Variants in CACNA2D3 observed in about 807,000 individuals in gnomAD.
CACNA2D3 encodes voltage-dependent calcium channel subunit alpha-2/delta-3.
In CACNA2D3, 60 loss-of-function variants were observed where a neutral mutation model predicts 160.6. That is an observed-to-expected ratio of 0.37 (90% CI 0.30 to 0.46). The LOEUF is 0.46. Among genes scored for constraint, CACNA2D3 ranks in the 20% least tolerant of loss-of-function variants. CACNA2D3 has a pLI of 1.00. For synonymous variants in CACNA2D3, 558 were observed against 492.9 expected (o/e 1.13, Z -1.75); for missense variants, 1,205 against 1,365.0 (o/e 0.88, Z 1.85).
intron 10 of CACNA2D3, among the ~76,000 whole-genome samples, chr3:54,640,929 C>T (rs115819121): frequency 0.014 from 2,198 of 152,144 alleles, 46 homozygotes; most frequent in African/African-American, 0.049. Flanking sequence ...GGCTTATTTC[C>T]TAAAACACAG....
intron 5 of CACNA2D3, among the ~76,000 whole-genome samples, chr3:54,544,500 C>T (rs543969511): frequency 6.6e-6 from 1 of 152,050 alleles, no homozygotes; most frequent in East Asian, 1.9e-4. Flanking sequence ...AACTCTTGGG[C>T]TCAAGGGATC....
At chr3:54,336,607 T>TA (rs1450729513) in intron 3 of CACNA2D3, among the ~76,000 whole-genome samples, 6 of 152,204 alleles carry the variant, frequency 3.9e-5, no homozygotes, top group Admixed American at 3.3e-4. Flanking sequence ...AAGTGGAAGT[T>TA]ATATGTTATG....
chr3:54,980,993 A>G (rs1364698949), intron 29 of CACNA2D3, among the ~76,000 whole-genome samples: 8 of 152,212 alleles, frequency 5.3e-5, no homozygotes, highest in Non-Finnish European at 1.2e-4. Context: ...AAGCCAATGA[A>G]TCAAAGCTCT....
At chr3:54,321,880 C>T (rs1704006484) in intron 3 of CACNA2D3, among the ~76,000 whole-genome samples, 1 of 138,926 alleles carries the variant, frequency 7.2e-6, no homozygotes, top group Admixed American at 8.0e-5. Context: ...ACAGCTGCTC[C>T]AGCGACAGTG....
intron 16 of CACNA2D3, 33 bp downstream of exon 16, chr3:54,838,681 A>G: frequency 6.9e-7 from 1 of 1,453,488 alleles, no homozygotes; most frequent in Non-Finnish European, 9.7e-7. Flanking sequence ...AAATCAAAGC[A>G]ACAGAGATGC....
At chr3:54,437,513 G>GCTTT (rs1190937949) in intron 4 of CACNA2D3, among the ~76,000 whole-genome samples, 2 of 152,218 alleles carry the variant, frequency 1.3e-5, no homozygotes, top group Non-Finnish European at 2.9e-5. Flanking sequence ...GGTGGGAATA[G>GCTTT]CTTTTCTGGA....
intron 2 of CACNA2D3, among the ~76,000 whole-genome samples, chr3:54,203,357 T>C (rs1273118485): frequency 1.3e-5 from 2 of 152,194 alleles, no homozygotes; most frequent in Non-Finnish European, 2.9e-5. Flanking sequence ...TCTGACTCCA[T>C]GGCGGTGTCT....
At position 54,204,278 on chromosome 3, in the gene CACNA2D3, T is replaced by TA. The variant is rs1701230690; in HGVS notation, c.204+80685dup. Among the ~76,000 whole-genome samples, 5 of 152,276 alleles carry TA rather than the reference T, an allele frequency of 3.3e-5. No individual in the cohort carries two copies. The South Asian group carries it at 1.0e-3, about 32-fold the overall frequency. The stretch of plus-strand genomic sequence containing the variant: ...TCCTCATAATAAATCTCCATATATA[T>TA]ATACACATACACATTCACATATGTA... On this transcript the variant is annotated intron_variant, in intron 2 of 37. Transcript: ENST00000474759.
intron 31 of CACNA2D3, among the ~76,000 whole-genome samples, chr3:55,000,233 A>C (rs17054674): frequency 0.012 from 1,872 of 152,278 alleles, 36 homozygotes; most frequent in African/African-American, 0.042. Flanking sequence ...GTAGCCGCAA[A>C]ATGGAGTTAT....
chr3:54,253,521 A>G (rs1575346434), intron 2 of CACNA2D3, among the ~76,000 whole-genome samples: 1 of 152,146 alleles, frequency 6.6e-6, no homozygotes, highest in Non-Finnish European at 1.5e-5. Flanking sequence ...CACCAAAGGG[A>G]TGGTACTAAA....
chr3:54,722,607 T>C (rs1185679924), intron 11 of CACNA2D3, among the ~76,000 whole-genome samples: 1 of 152,190 alleles, frequency 6.6e-6, no homozygotes, highest in Non-Finnish European at 1.5e-5. Context: ...GGGGATGTGC[T>C]ATTCCTTTCT....
intron 3 of CACNA2D3, among the ~76,000 whole-genome samples, chr3:54,383,599 A>T (rs1325245677): frequency 6.6e-6 from 1 of 152,242 alleles, no homozygotes; most frequent in Non-Finnish European, 1.5e-5. Context: ...TTAAGTTTAA[A>T]AAAAGACATG....
chr3:54,275,674 G>GTGGCA (rs1033685502), intron 2 of CACNA2D3, among the ~76,000 whole-genome samples: 13 of 152,134 alleles, frequency 8.5e-5, no homozygotes, highest in African/African-American at 3.1e-4. Flanking sequence ...CTGGAGTGCA[G>GTGGCA]TGGCATGATC....
intron 5 of CACNA2D3, among the ~76,000 whole-genome samples, chr3:54,550,505 A>G (rs1237310135): frequency 2.0e-5 from 3 of 152,210 alleles, no homozygotes; most frequent in Non-Finnish European, 2.9e-5. Flanking sequence ...CCACTTCCCT[A>G]TGGTTTCCAC....
At chr3:54,443,576 C>T (rs1700175879) in intron 4 of CACNA2D3, among the ~76,000 whole-genome samples, 1 of 152,158 alleles carries the variant, frequency 6.6e-6, no homozygotes, top group Admixed American at 6.5e-5. Flanking sequence ...CTTCCTCTCA[C>T]CTGACATGTC....
At chr3:54,450,016 A>G (rs888134786) in intron 4 of CACNA2D3, among the ~76,000 whole-genome samples, 4 of 152,348 alleles carry the variant, frequency 2.6e-5, no homozygotes, top group Middle Eastern at 6.8e-3. Flanking sequence ...AGAAATAATT[A>G]TAATATTTAA....
At chr3:54,209,819 G>A (rs969437977) in intron 2 of CACNA2D3, among the ~76,000 whole-genome samples, 1 of 152,168 alleles carries the variant, frequency 6.6e-6, no homozygotes, top group African/African-American at 2.4e-5. Flanking sequence ...TTATTTTGCT[G>A]TATAAATTTT....
At chr3:54,343,766 T>C (rs1698407142) in intron 3 of CACNA2D3, among the ~76,000 whole-genome samples, 1 of 152,164 alleles carries the variant, frequency 6.6e-6, no homozygotes, top group African/African-American at 2.4e-5. Flanking sequence ...TGGGATCTCA[T>C]TTAGAGAAGC....
rs762262817 is a variant in CACNA2D3 at position 54,896,813 on chromosome 3, C to G, written c.2311C>G (p.Arg771Gly). The change falls in exon 26 of 38, where the codon CGA becomes GGA. Residue 771 changes from arginine to glycine, a missense_variant. Physicochemically the swap from Arg to Gly is moderately radical, Grantham distance 125. Coordinates refer to ENST00000474759, the MANE Select transcript of CACNA2D3 (RefSeq NM_018398.3). Reference sequence around the variant, plus strand: ...CGCAGACCATTTCCCTCTCTGGTACCGAAGAGCCGCTGAGCAGATTCCAGG... The same window carrying G: ...CGCAGACCATTTCCCTCTCTGGTACGGAAGAGCCGCTGAGCAGATTCCAGG... ...FNADHFPLWY[R>G]RAAEQIPGSF... The G allele has an allele frequency of 6.2e-7, 1 of 1,613,962 alleles. No individual in the cohort carries two copies. Among genetic ancestry groups the G allele is most frequent in the Non-Finnish European group, 8.5e-7 (1 of 1,179,876 alleles).
Sources: allele counts gnomAD v4.1 joint callset (sites outside exome capture counted in the v4.1 genomes callset), GRCh38; gene constraint gnomAD v4.1.1; transcripts MANE v1.5; gene names NCBI Gene and HGNC (gene_info 2026-07-23, HGNC 2026-07-21).